MGST2: variants seen among roughly 807,000 people sequenced by gnomAD.
MGST2 encodes microsomal glutathione S-transferase 2, also known as glutathione peroxidase MGST2.
MGST2 carries 9 observed loss-of-function variants against 16.6 expected under a neutral mutation model. The observed-to-expected ratio is 0.54, with a 90% confidence interval of 0.33 to 0.95. The LOEUF is 0.95. Ranked by LOEUF, MGST2 falls within the 40% of genes least tolerant of loss-of-function variation. MGST2 has a pLI of 0.03. For missense variants in MGST2, 159 were observed against 175.1 expected, an observed-to-expected ratio of 0.91 and a Z score of 0.52; for synonymous variants, 79 against 68.0, an observed-to-expected ratio of 1.16 and a Z score of -0.79.
At chr4:139,746,306 A>T in the MGST2 span, among the ~76,000 whole-genome samples, 1 of 152,378 alleles carries the variant, frequency 6.6e-6, no homozygotes, top group Non-Finnish European at 1.5e-5. Flanking sequence ...ATTCATCAGT[A>T]CACAACCAGT....
Position 139,735,877 on chromosome 4 carries a change from G to A in MGST2, c.*49-4335G>A, listed in dbSNP as rs1345223721. Among the ~76,000 whole-genome samples the A allele has an allele frequency of 6.6e-6, 1 of 151,860 alleles. No individual in the cohort carries two copies. Among genetic ancestry groups the A allele is most frequent in the African/African-American group, 2.4e-5 (1 of 41,372 alleles). ...AGGGGCGGTGCGGCGGCGCTCGGGA[G>A]ACCCGCGAGGGGCCCTGGAGGTCCT... is the stretch of plus-strand genomic sequence containing the variant. On this transcript the variant is annotated intron_variant, in intron 5 of 5. Transcript: ENST00000616265. This position sits in a 1 kb window ranked among gnomAD's most constrained non-coding sequence, Gnocchi z 5.8.
intron 5 of MGST2, among the ~76,000 whole-genome samples, chr4:139,726,733 T>C (rs1728487321): frequency 6.6e-6 from 1 of 152,248 alleles, no homozygotes; most frequent in Admixed American, 6.5e-5. Flanking sequence ...GGATTCCACA[T>C]ATACCAGCAG....
At chr4:139,692,711 C>T (rs1050347991) in intron 2 of MGST2, among the ~76,000 whole-genome samples, 1 of 152,144 alleles carries the variant, frequency 6.6e-6, no homozygotes, top group African/African-American at 2.4e-5. Context: ...AGGGGAACTC[C>T]AAAACATCCC....
chr4:139,676,562 T>C (rs1730969243), intron 1 of MGST2, among the ~76,000 whole-genome samples: 1 of 152,190 alleles, frequency 6.6e-6, no homozygotes, highest in African/African-American at 2.4e-5. Flanking sequence ...CTTCAACTGA[T>C]TGGATGAGGC....
the MGST2 span, among the ~76,000 whole-genome samples, chr4:139,750,976 C>G: frequency 1.3e-5 from 2 of 152,178 alleles, no homozygotes; most frequent in African/African-American, 4.8e-5. Context: ...TTTGGAACAC[C>G]TGGCAAGCTG....
downstream of MGST2, among the ~76,000 whole-genome samples, chr4:139,708,601 A>G (rs1727610934): frequency 6.6e-6 from 1 of 152,178 alleles, no homozygotes; most frequent in South Asian, 2.1e-4. Context: ...TCTGTGAAGA[A>G]AGTCATTGGT....
In MGST2 at chr4:139,703,488, A is replaced by G; in HGVS notation, c.263A>G (p.Tyr88Cys). The G allele has an allele frequency of 6.2e-7, 1 of 1,613,742 alleles. No individual in the cohort carries two copies. The highest frequency in any genetic ancestry group is 8.5e-7 in the Non-Finnish European group (1 of 1,179,924). Residue 88 changes from tyrosine (Y) to cysteine (C), a missense_variant, in exon 4 of 5, where the codon TAT becomes TGT. Transcript: ENST00000265498. ...FATCLGLVYI[Y>C]GRHLYFWGYS... ...ACTTGTCTGGGTCTGGTGTACATAT[A>G]TGGCCGTCACCTATACTTCTGGGGA... is the stretch of plus-strand genomic sequence containing the variant.
intron 5 of MGST2, among the ~76,000 whole-genome samples, chr4:139,739,147 C>T (rs1729066565): frequency 6.6e-6 from 1 of 152,178 alleles, no homozygotes; most frequent in Non-Finnish European, 1.5e-5. Context: ...GAATTCTAGC[C>T]TAAACCAACA....
chr4:139,674,817 G>A (rs902546423), intron 1 of MGST2, among the ~76,000 whole-genome samples: 7 of 152,148 alleles, frequency 4.6e-5, no homozygotes. Flanking sequence ...TCTTATTTAG[G>A]TATAGAATGG....
intron 4 of MGST2, among the ~76,000 whole-genome samples, 181 bp from the exon 5 acceptor site, chr4:139,703,835 G>T (rs1326894584): frequency 1.3e-5 from 2 of 152,228 alleles, no homozygotes; most frequent in Non-Finnish European, 2.9e-5. Flanking sequence ...AATGTTCAAA[G>T]AAACCAAGTG....
chr4:139,711,965 T>C (rs1051058350), intron 5 of MGST2, among the ~76,000 whole-genome samples: 1 of 152,184 alleles, frequency 6.6e-6, no homozygotes, highest in Non-Finnish European at 1.5e-5. Flanking sequence ...AGCATCAGTA[T>C]GGTGAGGGCC....
intron 1 of MGST2, among the ~76,000 whole-genome samples, chr4:139,672,647 T>C (rs1730761202): frequency 6.6e-6 from 1 of 150,992 alleles, no homozygotes; most frequent in Non-Finnish European, 1.5e-5. Context: ...GCCTCCTGGG[T>C]TTCAGCAAAT....
intron 5 of MGST2, among the ~76,000 whole-genome samples, chr4:139,722,885 A>G (rs1728293540): frequency 6.6e-6 from 1 of 152,264 alleles, no homozygotes; most frequent in African/African-American, 2.4e-5. Context: ...ACATGAAAAT[A>G]CTGAAGATAG....
At position 139,704,069 on chromosome 4, in the gene MGST2, G is replaced by A; in HGVS notation, c.365G>A (p.Gly122Asp). The stretch of plus-strand genomic sequence containing the variant: ...ATTTTGGCCTTGTTGACCCTCCTAG[G>A]TGCCCTGGGAATTGCAAACAGCTTT... ...LGILALLTLL[G>D]ALGIANSFLD... Residue 122 changes from glycine (G) to aspartate (D), a missense_variant, in exon 5 of 5, where the codon GGT becomes GAT. Coordinates refer to ENST00000265498, the MANE Select transcript of MGST2 (RefSeq NM_002413.5). 1.2e-6 allele frequency: 2 copies of A among 1,614,054 alleles called. No individual in the cohort carries two copies. Among genetic ancestry groups the A allele is most frequent in the Non-Finnish European group, 1.7e-6 (2 of 1,180,028 alleles).
At chr4:139,703,848 C>T (rs567458292) in intron 4 of MGST2, among the ~76,000 whole-genome samples, 168 bp from the exon 5 acceptor site, 2 of 152,348 alleles carry the variant, frequency 1.3e-5, no homozygotes, top group South Asian at 4.1e-4. Context: ...ACCAAGTGAT[C>T]TCTATGGCTA....
intron 5 of MGST2, chr4:139,731,435 T>TTA (rs1491282159): frequency 2.6e-5 from 1 of 38,718 alleles, no homozygotes; most frequent in Non-Finnish European, 5.0e-5. Flanking sequence ...CTGTCTCTAC[T>TTA]AAAAAAAAAA....
At chr4:139,701,975 A>G (rs993167900) in intron 3 of MGST2, among the ~76,000 whole-genome samples, 1 of 151,432 alleles carries the variant, frequency 6.6e-6, no homozygotes, top group African/African-American at 2.4e-5. Flanking sequence ...CAAGAAAAAA[A>G]AAAAATCATG....
chr4:139,711,186 A>G (rs1168759779), intron 5 of MGST2, among the ~76,000 whole-genome samples: 1 of 151,668 alleles, frequency 6.6e-6, no homozygotes, highest in Non-Finnish European at 1.5e-5. Context: ...GCTGTTTTCT[A>G]TTTTTTGTAG....
At chr4:139,747,059 C>G in the MGST2 span, among the ~76,000 whole-genome samples, 1 of 152,134 alleles carries the variant, frequency 6.6e-6, no homozygotes. Flanking sequence ...CTGTGCAGCC[C>G]TTAGTGGTTT....
Sources: gnomAD v4.1 joint callset for allele counts (sites outside exome capture counted in the v4.1 genomes callset) on GRCh38, gnomAD v4.1.1 for gene constraint, Gnocchi (gnomAD v3.1) non-coding constraint, MANE v1.5 for transcripts, NCBI Gene and HGNC (gene_info 2026-07-23, HGNC 2026-07-21) for gene names.